Variants in BMPR2 observed in about 807,000 individuals in gnomAD.
BMPR2 encodes bone morphogenetic protein receptor type-2.
A neutral mutation model predicts 100.8 loss-of-function variants in BMPR2; 29 were observed. That is an observed-to-expected ratio of 0.29 (90% confidence interval 0.21 to 0.39). The LOEUF (loss-of-function observed/expected upper bound fraction) is 0.39. Among genes scored for constraint, BMPR2 ranks in the 10% least tolerant of loss-of-function variants. The probability of loss-of-function intolerance (pLI) is 1.00; values close to 1 mark genes in which losing one functional copy is unlikely to be tolerated. For missense variants in BMPR2, 1,011 were observed against 1,274.5 expected (o/e 0.79, Z 3.15); for synonymous variants, 382 against 442.3 (o/e 0.86, Z 1.71).
chr2:202,409,304 G>A (rs1453969255), intron 1 of BMPR2, among the ~76,000 whole-genome samples: 2 of 152,070 alleles, frequency 1.3e-5, no homozygotes, highest in Admixed American at 6.6e-5. Context: ...CTGAGATCGC[G>A]CCACTTCATT....
At chr2:202,454,010 G>T (rs1692038833) in intron 1 of BMPR2, among the ~76,000 whole-genome samples, 1 of 152,072 alleles carries the variant, frequency 6.6e-6, no homozygotes, top group Non-Finnish European at 1.5e-5. Context: ...GTAAAATATT[G>T]CAGTAAGACT....
rs186398665 is a variant in BMPR2, at chr2:202,433,777, G to A, written c.77-31032G>A. ...ACAAAAATTAGCTGGGTGTGGTGGC[G>A]TGCGCCTGTAGTCCCAGCTGCTCGG... is the stretch of plus-strand genomic sequence containing the variant. On this transcript the variant is annotated intron_variant, in intron 1 of 12. Transcript: ENST00000374580. Among the ~76,000 whole-genome samples, 70 of 150,420 alleles carry A rather than the reference G, an allele frequency of 4.7e-4. 1 individual carries two copies. The East Asian group carries it at 7.9e-3, about 17-fold the overall frequency.
intron 1 of BMPR2, among the ~76,000 whole-genome samples, chr2:202,380,967 T>TTC (rs1403390843): frequency 1.2e-4 from 14 of 119,996 alleles, no homozygotes; most frequent in African/African-American, 4.7e-4. Flanking sequence ...CTTTCTTTCT[T>TTC]TTTTTTTTTT....
intron 1 of BMPR2, among the ~76,000 whole-genome samples, chr2:202,419,255 T>C (rs1559032458): frequency 6.6e-6 from 1 of 152,272 alleles, no homozygotes; most frequent in Non-Finnish European, 1.5e-5. Context: ...TATTCAGCGA[T>C]TCACTTATTT....
chr2:202,383,008 C>G (rs1274317182), intron 1 of BMPR2, among the ~76,000 whole-genome samples: 1 of 152,214 alleles, frequency 6.6e-6, no homozygotes, highest in East Asian at 1.9e-4. Flanking sequence ...AGTTCTATAA[C>G]TTTATTTCTA....
At chr2:202,469,068 T>C (rs1692381153) in intron 3 of BMPR2, among the ~76,000 whole-genome samples, 1 of 152,220 alleles carries the variant, frequency 6.6e-6, no homozygotes. Context: ...TTCGCTCTTG[T>C]TGCCGAGGCT....
chr2:202,502,383 C>T (rs867459786), intron 3 of BMPR2, among the ~76,000 whole-genome samples: 1 of 150,872 alleles, frequency 6.6e-6, no homozygotes, highest in Non-Finnish European at 1.5e-5. Flanking sequence ...AAGAAAGAGA[C>T]AGAGAAGAGA....
At chr2:202,518,326 C>G (rs940627041) in intron 5 of BMPR2, among the ~76,000 whole-genome samples, 5 of 151,264 alleles carry the variant, frequency 3.3e-5, no homozygotes, top group African/African-American at 9.7e-5. Flanking sequence ...TTAGTAGAGA[C>G]AGGGTTTCAC....
At chr2:202,439,750 TTC>T (rs1396473354) in intron 1 of BMPR2, among the ~76,000 whole-genome samples, 1 of 149,026 alleles carries the variant, frequency 6.7e-6, no homozygotes, top group African/African-American at 2.6e-5. Flanking sequence ...TTTTTCTTTT[TTC>T]TTTTTTTTTA....
Position 202,378,741 on chromosome 2 carries a change from T to A in BMPR2, c.76+1191T>A, listed in dbSNP as rs1574416516. On this transcript the variant is annotated intron_variant, in intron 1 of 12. Transcript: ENST00000374580. ...TTACTTTAAAACTGATATTTTAATATTTTTAATAATTGTAGTTGCTTTCAG... is the reference window on the plus strand; with the variant it reads ...TTACTTTAAAACTGATATTTTAATAATTTTAATAATTGTAGTTGCTTTCAG... 2.0e-5 allele frequency among the ~76,000 whole-genome samples: 3 copies of A among 152,332 alleles called. No homozygotes were observed. In the South Asian group the frequency reaches 6.2e-4, roughly 32 times the overall value.
chr2:202,381,478 C>T (rs973634295), intron 1 of BMPR2, among the ~76,000 whole-genome samples: 2 of 152,202 alleles, frequency 1.3e-5, no homozygotes, highest in African/African-American at 4.8e-5. Context: ...CCCAACCCTA[C>T]CAGCACATTT....
chr2:202,439,299 A>T (rs895215796), intron 1 of BMPR2, among the ~76,000 whole-genome samples: 1 of 149,544 alleles, frequency 6.7e-6, no homozygotes, highest in Non-Finnish European at 1.5e-5. Flanking sequence ...ATTGATTTTT[A>T]TATATTGATG....
At chr2:202,441,201 G>C (rs966786917) in intron 1 of BMPR2, among the ~76,000 whole-genome samples, 3 of 149,774 alleles carry the variant, frequency 2.0e-5, no homozygotes, top group Non-Finnish European at 4.4e-5. Context: ...GGGTGGTCTC[G>C]AACTCCTGAG....
chr2:202,390,543 GCTGGTCTCGAACCC>G (rs1268595879), intron 1 of BMPR2, among the ~76,000 whole-genome samples: 1 of 151,980 alleles, frequency 6.6e-6, no homozygotes, highest in East Asian at 1.9e-4. Context: ...TGTTGGCTGG[GCTGGTCTCGAACCC>G]CTGACCTCAG....
In BMPR2 at chr2:202,562,344, TTAC is replaced by T. The variant is rs1395999157; in HGVS notation, c.*2401_*2403del. 1.3e-5 allele frequency: 2 copies of T among 152,618 alleles called. No homozygotes were observed. Among genetic ancestry groups the T allele is most frequent in the African/African-American group, 4.8e-5 (2 of 41,458 alleles). 9.5% of individuals were successfully genotyped at this position (152,618 alleles called of 1,614,324 possible). Reference sequence around the variant, plus strand: ...TGCCAGATTAAAATAACTGAATAGTTTACTATTTCATTCAAGCATGTTTAAAAC... The same window carrying T: ...TGCCAGATTAAAATAACTGAATAGTTTATTTCATTCAAGCATGTTTAAAAC... On this transcript the variant is annotated 3_prime_UTR_variant, in exon 13 of 13. Transcript: ENST00000374580.
Position 202,464,922 on chromosome 2 carries a change from A to G in BMPR2, c.190A>G (p.Ser64Gly), listed in dbSNP as rs1391212374. ...TGGGACAATATTATGCTCGAAAGGT[A>G]GCACCTGCTATGGCCTTTGGGAGAA... The part of the protein sequence containing the change: ...ENGTILCSKG[S>G]TCYGLWEKSK... The change falls in exon 2 of 13, where the codon AGC (serine) becomes GGC (glycine). Residue 64 changes from serine (S) to glycine (G), a missense_variant. Ser to Gly is a moderately conservative substitution (Grantham distance 56). Coordinates refer to ENST00000374580, the MANE Select transcript of BMPR2 (RefSeq NM_001204.7). 1.9e-6 allele frequency: 3 copies of G among 1,614,186 alleles called. No homozygotes were observed. The highest frequency in any genetic ancestry group is 2.5e-6 in the Non-Finnish European group (3 of 1,180,028).
chr2:202,433,705 C>A (rs1009856850), intron 1 of BMPR2, among the ~76,000 whole-genome samples: 2 of 150,282 alleles, frequency 1.3e-5, no homozygotes, highest in African/African-American at 5.0e-5. Context: ...GTCAAGAGAT[C>A]AAGACCATCC....
chr2:202,457,301 C>G (rs1017829896), intron 1 of BMPR2, among the ~76,000 whole-genome samples: 17 of 151,034 alleles, frequency 1.1e-4, no homozygotes, highest in Middle Eastern at 3.5e-3. Context: ...TATCATGTTT[C>G]AGTTATTCAT....
At chr2:202,487,910 A>G (rs1010822074) in intron 3 of BMPR2, among the ~76,000 whole-genome samples, 1 of 152,128 alleles carries the variant, frequency 6.6e-6, no homozygotes, top group Non-Finnish European at 1.5e-5. Context: ...GGGTTTCGCT[A>G]TTTTGGCCAG....
Sources: gnomAD v4.1 joint callset for allele counts (sites outside exome capture counted in the v4.1 genomes callset) on GRCh38, gnomAD v4.1.1 for gene constraint, MANE v1.5 for transcripts, NCBI Gene and HGNC (gene_info 2026-07-23, HGNC 2026-07-21) for gene names.